The following ORC5 variants were observed in gnomAD, a reference collection of about 807,000 sequenced individuals.
ORC5 encodes the protein origin recognition complex subunit 5.
ORC5 carries 39 observed loss-of-function variants against 58.8 expected under a neutral mutation model. That is an observed-to-expected ratio of 0.66 (90% confidence interval 0.51 to 0.87). The LOEUF is 0.87. Among genes scored for constraint, ORC5 ranks in the 40% least tolerant of loss-of-function variants. ORC5 has a pLI of 0.00. For missense variants in ORC5, 493 were observed against 506.3 expected (o/e 0.97, Z 0.25); for synonymous variants, 218 against 177.6 (o/e 1.23, Z -1.81).
At chr7:104,174,226 C>T (rs1477984695) in intron 8 of ORC5, among the ~76,000 whole-genome samples, 1 of 152,064 alleles carries the variant, frequency 6.6e-6, no homozygotes, top group Non-Finnish European at 1.5e-5. Flanking sequence ...TTTTTTCCCT[C>T]GCTTATTTCT....
intron 13 of ORC5, among the ~76,000 whole-genome samples, chr7:104,128,481 T>C (rs1038928694): frequency 3.3e-5 from 5 of 152,062 alleles, no homozygotes; most frequent in Admixed American, 6.6e-5. Context: ...TAGAGGACCA[T>C]AGAAAGGAAA....
At chr7:104,180,269 G>A (rs1281788607) in intron 8 of ORC5, among the ~76,000 whole-genome samples, 1 of 152,184 alleles carries the variant, frequency 6.6e-6, no homozygotes, top group Non-Finnish European at 1.5e-5. Context: ...CAATCATACT[G>A]CAAGAGGTTT....
chr7:104,166,177 T>C (rs1303012220), intron 10 of ORC5, among the ~76,000 whole-genome samples: 1 of 152,150 alleles, frequency 6.6e-6, no homozygotes. Flanking sequence ...TAAGATAGGT[T>C]GTACAGGGAG....
At chr7:104,184,524 G>A in intron 6 of ORC5, 1 of 197,932 alleles carries the variant, frequency 5.1e-6, no homozygotes, top group Non-Finnish European at 1.0e-5. Flanking sequence ...TACTAATAAT[G>A]ACAGCACAAC....
At chr7:104,202,707 G>A (rs1332467284) in intron 2 of ORC5, among the ~76,000 whole-genome samples, 2 of 152,168 alleles carry the variant, frequency 1.3e-5, no homozygotes, top group Non-Finnish European at 2.9e-5. Flanking sequence ...CATTCAGGGG[G>A]TTCTGAAATG....
chr7:104,141,431 G>GAA (rs147659830), intron 12 of ORC5, among the ~76,000 whole-genome samples: 1 of 151,824 alleles, frequency 6.6e-6, no homozygotes, highest in Non-Finnish European at 1.5e-5. Flanking sequence ...TAGTTTAAGA[G>GAA]AAAAAAACAT....
chr7:104,203,043 C>A (rs1255071652), intron 2 of ORC5, among the ~76,000 whole-genome samples: 1 of 152,118 alleles, frequency 6.6e-6, no homozygotes, highest in Non-Finnish European at 1.5e-5. Context: ...TCAGGAAAGA[C>A]CTTGTAGAGT....
rs1490778075 is a variant in ORC5, at chr7:104,137,643, G to A, written c.1150-750C>T. Among the ~76,000 whole-genome samples the A allele has an allele frequency of 5.9e-5, 9 of 152,132 alleles. No homozygotes were observed. The East Asian group carries it at 1.4e-3, about 23-fold the overall frequency. ...TACACTGGCAGAAGAACAAGCAAGC[G>A]GCTGGACATCGAGAGCAACATACCG... On this transcript the variant is annotated intron_variant, in intron 12 of 13. Transcript: ENST00000297431.
intron 8 of ORC5, among the ~76,000 whole-genome samples, chr7:104,181,217 A>C (rs1799424855): frequency 6.6e-6 from 1 of 152,190 alleles, no homozygotes; most frequent in Non-Finnish European, 1.5e-5. Context: ...AGATTTGAGA[A>C]AATTTTCTCT....
intron 13 of ORC5, among the ~76,000 whole-genome samples, chr7:104,132,407 T>C (rs977677425): frequency 1.1e-4 from 17 of 152,178 alleles, no homozygotes; most frequent in African/African-American, 3.9e-4. Flanking sequence ...ATTTAGGTTA[T>C]ATCCTGTGAT....
intron 8 of ORC5, among the ~76,000 whole-genome samples, chr7:104,176,805 T>C (rs1562819557): frequency 6.6e-6 from 1 of 152,224 alleles, no homozygotes; most frequent in African/African-American, 2.4e-5. Flanking sequence ...GTCTTCAGAA[T>C]TGTCGGCATA....
At chr7:104,163,394 G>A (rs3823978) in intron 11 of ORC5, among the ~76,000 whole-genome samples, 94,300 of 152,086 alleles carry the variant, frequency 0.62, 31,306 homozygotes, top group Non-Finnish European at 0.76. Context: ...ATATCACTAT[G>A]AGATGAAAGA....
chr7:104,207,193 A>C (rs540584841), intron 1 of ORC5, among the ~76,000 whole-genome samples: 1 of 151,932 alleles, frequency 6.6e-6, no homozygotes, highest in African/African-American at 2.4e-5. Context: ...ATAGTCAAAA[A>C]TAGGTTAAAT....
intron 1 of ORC5, among the ~76,000 whole-genome samples, chr7:104,207,349 T>C (rs1336141108): frequency 1.3e-5 from 2 of 152,180 alleles, no homozygotes; most frequent in Non-Finnish European, 2.9e-5. Context: ...TCTGGACTGT[T>C]ACAATTCTGG....
chr7:104,195,038 T>C, intron 5 of ORC5, 105 bp downstream of exon 5: 1 of 598,632 alleles, frequency 1.7e-6, no homozygotes, highest in Non-Finnish European at 2.9e-6. Flanking sequence ...GAATATCAAA[T>C]GGGAATAACA....
intron 11 of ORC5, among the ~76,000 whole-genome samples, chr7:104,163,102 T>G (rs1207124664): frequency 6.6e-6 from 1 of 152,236 alleles, no homozygotes; most frequent in Non-Finnish European, 1.5e-5. Context: ...ACTGATAATC[T>G]TGTACATTTC....
intron 8 of ORC5, among the ~76,000 whole-genome samples, chr7:104,179,611 GCTT>G (rs1477700064): frequency 7.5e-5 from 11 of 147,498 alleles, no homozygotes; most frequent in East Asian, 2.0e-4. Context: ...TCTGAAATCT[GCTT>G]CTTAATAGCC....
intron 4 of ORC5, among the ~76,000 whole-genome samples, chr7:104,196,153 A>G (rs1252802658): frequency 6.6e-6 from 1 of 152,208 alleles, no homozygotes; most frequent in Non-Finnish European, 1.5e-5. Context: ...AAAACGGTGA[A>G]AAGTCCTAAT....
intron 8 of ORC5, among the ~76,000 whole-genome samples, chr7:104,171,169 C>A (rs1799204726): frequency 6.6e-6 from 1 of 152,142 alleles, no homozygotes; most frequent in Non-Finnish European, 1.5e-5. Flanking sequence ...TTTAAACAAA[C>A]CTAAACCAAG....
Sources: gnomAD v4.1 joint callset for allele counts (sites outside exome capture counted in the v4.1 genomes callset) on GRCh38, gnomAD v4.1.1 for gene constraint, MANE v1.5 for transcripts, NCBI Gene and HGNC (gene_info 2026-07-23, HGNC 2026-07-21) for gene names.